The following ZFHX3 variants were observed in gnomAD, a reference collection of about 807,000 sequenced individuals.
ZFHX3 encodes the protein zinc finger homeobox 3.
In ZFHX3, 42 loss-of-function variants were observed where a neutral mutation model predicts 279.1. The ratio of observed to expected loss-of-function variants is 0.15; its 90% CI spans 0.12 to 0.19. The LOEUF (loss-of-function observed/expected upper bound fraction) is 0.19. Among genes scored for constraint, ZFHX3 ranks in the 10% least tolerant of loss-of-function variants. The probability of loss-of-function intolerance (pLI) is 1.00; values close to 1 mark genes in which losing one functional copy is unlikely to be tolerated. For synonymous variants in ZFHX3, 2,293 were observed against 1,957.8 expected, an observed-to-expected ratio of 1.17 and a Z score of -4.52; for missense variants, 4,981 against 4,754.0, an observed-to-expected ratio of 1.05 and a Z score of -1.40.
At chr16:73,151,046 T>C (rs1405634060) in intron 5 of ZFHX3, among the ~76,000 whole-genome samples, 1 of 152,158 alleles carries the variant, frequency 6.6e-6, no homozygotes, top group Non-Finnish European at 1.5e-5. Flanking sequence ...TAGAAGAACC[T>C]TGAAATCATG....
At chr16:73,093,257 C>T in exon 8 of ZFHX3, 1 of 508,888 alleles carries the variant, frequency 2.0e-6, no homozygotes, top group Non-Finnish European at 3.9e-6. Context: ...TCCAGGTTCA[C>T]TCAAAGGCCA....
chr16:73,620,598 C>A (rs148453877), intron 2 of ZFHX3, among the ~76,000 whole-genome samples: 168 of 152,308 alleles, frequency 1.1e-3, no homozygotes, highest in African/African-American at 4.0e-3. Context: ...ATGGTGAGTA[C>A]AAGTTTGTCC....
chr16:72,864,642 C>T (rs1326254112), intron 4 of ZFHX3, among the ~76,000 whole-genome samples: 1 of 152,160 alleles, frequency 6.6e-6, no homozygotes, highest in Non-Finnish European at 1.5e-5. Flanking sequence ...AGCAGTTGAC[C>T]TCTCAGGTGG....
intron 3 of ZFHX3, among the ~76,000 whole-genome samples, chr16:72,942,822 T>G: frequency 6.6e-6 from 1 of 152,208 alleles, no homozygotes; most frequent in Non-Finnish European, 1.5e-5. Context: ...AGACTCTGTT[T>G]CTTCTGGAAA....
intron 1 of ZFHX3, among the ~76,000 whole-genome samples, chr16:73,012,086 T>G (rs993925975): frequency 6.6e-6 from 1 of 152,292 alleles, no homozygotes; most frequent in Middle Eastern, 3.4e-3. Flanking sequence ...CACTTCAAAA[T>G]AGAGGTACCC....
chr16:72,829,690 G>C (rs2037018979), intron 5 of ZFHX3, 89 bp downstream of exon 5: 17 of 1,459,080 alleles, frequency 1.2e-5, no homozygotes, highest in Admixed American at 1.7e-5. Flanking sequence ...TCCCTGACTT[G>C]TTAGCTCCAT....
chr16:73,732,457 G>C (rs1450767245), intron 1 of ZFHX3, among the ~76,000 whole-genome samples: 1 of 152,182 alleles, frequency 6.6e-6, no homozygotes, highest in Non-Finnish European at 1.5e-5. Flanking sequence ...GATTTGCCCA[G>C]GACAATTCCA....
At chr16:72,870,348 C>T (rs1342107788) in intron 4 of ZFHX3, among the ~76,000 whole-genome samples, 7 of 151,518 alleles carry the variant, frequency 4.6e-5, no homozygotes, top group Non-Finnish European at 1.0e-4. Context: ...GCCAAGATCT[C>T]GCCATTGCAC....
chr16:73,025,045 G>A (rs1252920855), intron 1 of ZFHX3, among the ~76,000 whole-genome samples: 1 of 152,168 alleles, frequency 6.6e-6, no homozygotes, highest in African/African-American at 2.4e-5. Context: ...TCCATTATAA[G>A]GATCTAACTT....
chr16:72,811,982 T>A lies in ZFHX3; in HGVS notation c.3586A>T (p.Ile1196Phe), dbSNP rs750561318. Residue 1196 changes from isoleucine to phenylalanine, a missense_variant, in exon 6 of 10, where the codon ATC (isoleucine) becomes TTC (phenylalanine). Ile to Phe is a conservative substitution (Grantham distance 21). Coordinates refer to ENST00000268489, the MANE Select transcript of ZFHX3 (RefSeq NM_006885.4). ...GACTCTGAGCTACCTGGGAAGGAGA[T>A]GCGTTTGGAGGTTGCAGGAGAATCT... ...LTDSPATSKR[I>F]SFPGSSESPL... 6.2e-7 allele frequency: 1 copy of A among 1,614,200 alleles called. No homozygotes were observed. Among genetic ancestry groups the A allele is most frequent in the Non-Finnish European group, 8.5e-7 (1 of 1,180,036 alleles).
intron 5 of ZFHX3, among the ~76,000 whole-genome samples, chr16:73,226,093 A>G (rs1483570713): frequency 1.3e-5 from 2 of 152,240 alleles, no homozygotes; most frequent in Non-Finnish European, 2.9e-5. Context: ...ATAGGGGCAC[A>G]AAAAGAGTTG....
At chr16:72,935,930 A>G (rs1232607216) in intron 3 of ZFHX3, among the ~76,000 whole-genome samples, 1 of 152,210 alleles carries the variant, frequency 6.6e-6, no homozygotes, top group Non-Finnish European at 1.5e-5. Flanking sequence ...TGGGAAAGGA[A>G]CAAGGCATTT....
chr16:73,625,918 C>A (rs2052411095), intron 2 of ZFHX3, among the ~76,000 whole-genome samples: 1 of 152,154 alleles, frequency 6.6e-6, no homozygotes, highest in Non-Finnish European at 1.5e-5. Context: ...AGTTCAGCGG[C>A]ACGATCTCTG....
At chr16:73,354,351 C>G (rs530839436) in intron 3 of ZFHX3, among the ~76,000 whole-genome samples, 1 of 152,266 alleles carries the variant, frequency 6.6e-6, no homozygotes, top group Non-Finnish European at 1.5e-5. Flanking sequence ...TTCATCTGAT[C>G]AGATTCTCAG....
rs1335621803 is a variant in ZFHX3, at chr16:72,969,132, C to G, written c.-49-8938G>C. ...CAGAGTAAAAATTCGACATAGTAAC[C>G]CCCCAAAACTATAAACGAAGAGTCA... is the stretch of plus-strand genomic sequence containing the variant. On this transcript the variant is annotated intron_variant, in intron 1 of 9. Transcript: ENST00000268489. Among the ~76,000 whole-genome samples the G allele has an allele frequency of 2.0e-5, 3 of 151,890 alleles. No homozygotes were observed. In the East Asian group the frequency reaches 5.8e-4, roughly 29 times the overall value.
chr16:73,854,603 T>G (rs538504866), intron 1 of ZFHX3, among the ~76,000 whole-genome samples: 2 of 151,862 alleles, frequency 1.3e-5, no homozygotes, highest in African/African-American at 2.4e-5. Flanking sequence ...AATTAGACTA[T>G]GAATTGACTT....
chr16:73,021,251 G>A (rs1964287981), intron 1 of ZFHX3, among the ~76,000 whole-genome samples: 1 of 152,166 alleles, frequency 6.6e-6, no homozygotes, highest in Non-Finnish European at 1.5e-5. Context: ...CGAGGTTCTG[G>A]GACGAGGGCC....
chr16:73,630,015 T>C (rs2052453248), intron 2 of ZFHX3, among the ~76,000 whole-genome samples: 1 of 151,992 alleles, frequency 6.6e-6, no homozygotes, highest in Non-Finnish European at 1.5e-5. Flanking sequence ...ACTAAAACCA[T>C]CCCCGGCCCA....
intron 4 of ZFHX3, among the ~76,000 whole-genome samples, chr16:73,297,318 A>C (rs560573301): frequency 1.3e-4 from 20 of 152,100 alleles, no homozygotes; most frequent in African/African-American, 4.8e-4. Context: ...TTTAATAATG[A>C]AGAGCCCTCT....
Sources: gnomAD v4.1 joint callset for allele counts (sites outside exome capture counted in the v4.1 genomes callset) on GRCh38, gnomAD v4.1.1 for gene constraint, MANE v1.5 for transcripts, NCBI Gene and HGNC (gene_info 2026-07-23, HGNC 2026-07-21) for gene names.